The following PCLO variants were observed in gnomAD, a reference collection of about 807,000 sequenced individuals.
The protein encoded by PCLO is protein piccolo.
A neutral mutation model predicts 427.5 loss-of-function variants in PCLO; 82 were observed. The ratio of observed to expected loss-of-function variants is 0.19; its 90% CI spans 0.16 to 0.23. The LOEUF is 0.23. Ranked by LOEUF, PCLO falls within the 10% of genes least tolerant of loss-of-function variation. The probability of loss-of-function intolerance (pLI) is 1.00; values close to 1 mark genes in which losing one functional copy is unlikely to be tolerated. For synonymous variants in PCLO, 2,357 were observed against 2,155.4 expected, an observed-to-expected ratio of 1.09 and a Z score of -2.59; for missense variants, 6,239 against 6,115.9, an observed-to-expected ratio of 1.02 and a Z score of -0.67.
chr7:83,035,986 T>A (rs901925389), intron 3 of PCLO, among the ~76,000 whole-genome samples: 1 of 152,182 alleles, frequency 6.6e-6, no homozygotes, highest in African/African-American at 2.4e-5. Context: ...TATTTGAGTC[T>A]ATACATTACC....
At chr7:83,115,854 T>C (rs1195588783) in intron 3 of PCLO, among the ~76,000 whole-genome samples, 4 of 152,068 alleles carry the variant, frequency 2.6e-5, no homozygotes, top group Non-Finnish European at 5.9e-5. Context: ...CACTGTCATA[T>C]CATCCCCCCA....
chr7:82,822,596 C>T lies in PCLO; in HGVS notation c.14690G>A (p.Arg4897His), dbSNP rs779489243. 12 of 1,613,558 alleles carry T rather than the reference C, an allele frequency of 7.4e-6. No homozygotes were observed. The highest frequency in any genetic ancestry group is 4.0e-5 in the African/African-American group (3 of 74,858). ...EGHLRSHGPS[R>H]SQSKTSVTQT... ...AGTGACGCTGGTTTTGCTTTGACTG[C>T]GAGATGGTCCATGAGAACGGAGATG... Residue 4897 changes from arginine to histidine, a missense_variant, in exon 20 of 25, where the codon CGC (arginine) becomes CAC (histidine). Arg to His is a conservative substitution (Grantham distance 29). Coordinates refer to ENST00000333891, the MANE Select transcript of PCLO (RefSeq NM_033026.6).
intron 3 of PCLO, among the ~76,000 whole-genome samples, chr7:82,968,319 T>C (rs960863106): frequency 3.9e-5 from 6 of 152,190 alleles, no homozygotes; most frequent in African/African-American, 1.4e-4. Flanking sequence ...CTTTAATTAA[T>C]GTTTTTATAT....
intron 10 of PCLO, among the ~76,000 whole-genome samples, chr7:82,874,743 T>C (rs1793328636): frequency 6.6e-6 from 1 of 152,106 alleles, no homozygotes; most frequent in South Asian, 2.1e-4. Flanking sequence ...TAATCTAGGG[T>C]AAAGATTTAA....
At chr7:82,797,297 C>T (rs1350801865) in intron 22 of PCLO, among the ~76,000 whole-genome samples, 1 of 152,034 alleles carries the variant, frequency 6.6e-6, no homozygotes, top group Non-Finnish European at 1.5e-5. Flanking sequence ...TGATAAACAC[C>T]TGGTTTAGGA....
intron 6 of PCLO, among the ~76,000 whole-genome samples, chr7:82,921,797 C>T (rs1485672462): frequency 6.6e-6 from 1 of 151,576 alleles, no homozygotes; most frequent in African/African-American, 2.4e-5. Flanking sequence ...AACAGAGTGA[C>T]AGAAAATCTA....
chr7:82,832,346 G>A (rs929108813), intron 16 of PCLO, among the ~76,000 whole-genome samples: 1 of 151,878 alleles, frequency 6.6e-6, no homozygotes, highest in Non-Finnish European at 1.5e-5. Flanking sequence ...CTGCCTCCTG[G>A]GTTCACGCCA....
At chr7:83,016,067 C>G (rs965265989) in intron 3 of PCLO, among the ~76,000 whole-genome samples, 1 of 152,064 alleles carries the variant, frequency 6.6e-6, no homozygotes, top group African/African-American at 2.4e-5. Context: ...GGTAGAAAAT[C>G]AAACATCAGA....
rs1794203350 is a variant in PCLO, at chr7:82,906,807, T to C, written c.13437+2070A>G. ...TACATATATAGTTTTTTTGTTTGTA[T>C]GTTAGATGTGAAAATGTAAAATATT... On this transcript the variant is annotated intron_variant, in intron 8 of 24. Coordinates refer to ENST00000333891, the MANE Select transcript of PCLO (RefSeq NM_033026.6). 2.0e-5 allele frequency among the ~76,000 whole-genome samples: 3 copies of C among 152,118 alleles called. No homozygotes were observed. The South Asian group carries it at 6.2e-4, about 32-fold the overall frequency.
intron 3 of PCLO, among the ~76,000 whole-genome samples, chr7:83,072,040 T>C (rs985266341): frequency 3.3e-5 from 5 of 152,106 alleles, no homozygotes; most frequent in Admixed American, 3.3e-4. Context: ...GTTTAATTTA[T>C]ATTTTGTTTG....
intron 8 of PCLO, among the ~76,000 whole-genome samples, chr7:82,907,688 C>A (rs1017791336): frequency 6.6e-6 from 1 of 151,266 alleles, no homozygotes; most frequent in African/African-American, 2.4e-5. Flanking sequence ...TATGCCTAAA[C>A]AAAATATGTA....
chr7:82,760,306 G>A (rs1239538121), intron 24 of PCLO, among the ~76,000 whole-genome samples: 1 of 151,862 alleles, frequency 6.6e-6, no homozygotes, highest in African/African-American at 2.4e-5. Context: ...AAAGGGATAA[G>A]GCATAAATGA....
chr7:82,873,480 T>C (rs1235372642), intron 10 of PCLO, among the ~76,000 whole-genome samples: 1 of 152,120 alleles, frequency 6.6e-6, no homozygotes, highest in Non-Finnish European at 1.5e-5. Context: ...ATGTCCAGTT[T>C]TAGGCATTTT....
chr7:83,040,439 T>C (rs1788945544), intron 3 of PCLO, among the ~76,000 whole-genome samples: 3 of 152,188 alleles, frequency 2.0e-5, no homozygotes, highest in African/African-American at 4.8e-5. Flanking sequence ...CGGATTTTTC[T>C]GTTGTTTTCA....
intron 3 of PCLO, among the ~76,000 whole-genome samples, chr7:83,051,915 G>A (rs1789264037): frequency 6.6e-6 from 1 of 151,942 alleles, no homozygotes; most frequent in Non-Finnish European, 1.5e-5. Context: ...AGTCAAAGGA[G>A]CAACGGCAAT....
At chr7:83,041,744 T>C (rs967288897) in intron 3 of PCLO, among the ~76,000 whole-genome samples, 2 of 152,308 alleles carry the variant, frequency 1.3e-5, no homozygotes, top group African/African-American at 4.8e-5. Context: ...AAGAATGTTA[T>C]GACAAGATCA....
chr7:83,017,429 T>C (rs1189004229), intron 3 of PCLO, among the ~76,000 whole-genome samples: 1 of 151,954 alleles, frequency 6.6e-6, no homozygotes, highest in African/African-American at 2.4e-5. Context: ...TGTAATTCAT[T>C]CTTGAGAACA....
In PCLO at chr7:83,156,068, C is replaced by G. The variant is rs1229568494; in HGVS notation, c.573G>C (p.Lys191Asn). ...DSEASQEETT[K>N]KQKVVQKEQG... The stretch of plus-strand genomic sequence containing the variant: ...GCTCCTTCTGAACCACTTTTTGTTT[C>G]TTGGTGGTTTCTTCCTGGGATGCCT... The change falls in exon 2 of 25, where the codon AAG (lysine) becomes AAC (asparagine). Residue 191 changes from lysine (K) to asparagine (N), a missense_variant. Physicochemically the swap from Lys to Asn is moderately conservative, Grantham distance 94. Around this residue, in one of 5 missense-constraint regions of PCLO, gnomAD observed 4,677 missense variants for 4,468.4 expected, o/e 1.05. Transcript: ENST00000333891. 1 of 1,613,250 alleles carries G rather than the reference C, an allele frequency of 6.2e-7. No homozygotes were observed. The highest frequency in any genetic ancestry group is 1.3e-5 in the African/African-American group (1 of 74,728).
chr7:83,085,510 G>A (rs1222665351), intron 3 of PCLO, among the ~76,000 whole-genome samples: 2 of 152,164 alleles, frequency 1.3e-5, no homozygotes, highest in Non-Finnish European at 2.9e-5. Flanking sequence ...GCCTCAGAAT[G>A]AGCTAAGTGC....
Sources: gnomAD v4.1 joint callset for allele counts (sites outside exome capture counted in the v4.1 genomes callset) on GRCh38, gnomAD v4.1.1 for gene constraint, gnomAD v4.1.1 regional missense constraint, MANE v1.5 for transcripts, NCBI Gene and HGNC (gene_info 2026-07-23, HGNC 2026-07-21) for gene names.